The following SEMA5B variants were observed in gnomAD, a reference collection of about 807,000 sequenced individuals.
The protein encoded by SEMA5B is semaphorin 5B, also known as semaphorin-5B.
A neutral mutation model predicts 135.0 loss-of-function variants in SEMA5B; 66 were observed. The observed-to-expected ratio is 0.49, with a 90% CI of 0.40 to 0.60. The LOEUF (loss-of-function observed/expected upper bound fraction) is 0.60, where lower values mean the gene tolerates loss of function less well. Among genes scored for constraint, SEMA5B ranks in the 20% least tolerant of loss-of-function variants. The pLI, the probability that SEMA5B is intolerant of heterozygous loss-of-function variation, is 0.00. For synonymous variants in SEMA5B, 690 were observed against 639.5 expected, an observed-to-expected ratio of 1.08 and a Z score of -1.19; for missense variants, 1,501 against 1,566.3, an observed-to-expected ratio of 0.96 and a Z score of 0.70.
chr3:122,918,502 C>G (rs2107627105), intron 12 of SEMA5B, among the ~76,000 whole-genome samples: 1 of 152,320 alleles, frequency 6.6e-6, no homozygotes, highest in Non-Finnish European at 1.5e-5. Flanking sequence ...GTGCCAGGGG[C>G]CACTTTTGTC....
chr3:122,912,163 G>T lies in SEMA5B; in HGVS notation c.2896+9C>A. The stretch of plus-strand genomic sequence containing the variant: ...TCGCTTCCCAGCCCTGGCGGGATGT[G>T]CCTCATACCTGGGCAGGCCTGTGTG... On this transcript the variant is annotated intron_variant, in intron 19 of 22. Transcript: ENST00000357599. 1.3e-6 allele frequency: 2 copies of T among 1,581,922 alleles called. No individual in the cohort carries two copies. Among genetic ancestry groups the T allele is most frequent in the Non-Finnish European group, 1.7e-6 (2 of 1,158,698 alleles).
At chr3:122,945,794 A>G (rs1939763991) in intron 3 of SEMA5B, among the ~76,000 whole-genome samples, 1 of 138,540 alleles carries the variant, frequency 7.2e-6, no homozygotes, top group Non-Finnish European at 1.5e-5. Context: ...GGGGAAAAGA[A>G]GAGGAAACAG....
chr3:123,015,190 A>T (rs907522926), intron 1 of SEMA5B, among the ~76,000 whole-genome samples: 4 of 152,226 alleles, frequency 2.6e-5, no homozygotes, highest in Non-Finnish European at 5.9e-5. Flanking sequence ...ACTGGAAGAC[A>T]ATAAGTTTCT....
chr3:122,939,380 G>A lies in SEMA5B; in HGVS notation c.474+45C>T, dbSNP rs771570727. 118 of 1,511,116 alleles carry A rather than the reference G, an allele frequency of 7.8e-5. No individual in the cohort carries two copies. The Middle Eastern group carries it at 1.9e-3, about 24-fold the overall frequency. 93.6% of individuals were successfully genotyped at this position (1,511,116 alleles called of 1,614,324 possible). On this transcript the variant is annotated intron_variant, in intron 5 of 22. Coordinates refer to ENST00000357599, the MANE Select transcript of SEMA5B (RefSeq NM_001031702.4). ...TTGCGTTGCCCTGCCTTGGGCTCTGGAATAGGGGAAATTATAGGAAGGGAA... is the reference window on the plus strand; with the variant it reads ...TTGCGTTGCCCTGCCTTGGGCTCTGAAATAGGGGAAATTATAGGAAGGGAA...
At chr3:122,998,939 C>T (rs1348865477) in intron 1 of SEMA5B, among the ~76,000 whole-genome samples, 1 of 152,216 alleles carries the variant, frequency 6.6e-6, no homozygotes, top group Non-Finnish European at 1.5e-5. Flanking sequence ...GGGAAGACAA[C>T]TTCAGCAAGT....
At chr3:122,945,117 A>G (rs1167180357) in intron 3 of SEMA5B, among the ~76,000 whole-genome samples, 9 of 152,194 alleles carry the variant, frequency 5.9e-5, no homozygotes, top group Non-Finnish European at 1.3e-4. Context: ...ACAGGCAAAC[A>G]TTTAATCGCT....
At chr3:123,023,474 C>T (rs1291237944) in intron 1 of SEMA5B, among the ~76,000 whole-genome samples, 1 of 152,156 alleles carries the variant, frequency 6.6e-6, no homozygotes, top group Non-Finnish European at 1.5e-5. Context: ...ACTTGTGCAT[C>T]CCCAGAGCTC....
chr3:122,961,024 TG>T, intron 2 of SEMA5B, 115 bp downstream of exon 2: 1 of 1,069,354 alleles, frequency 9.4e-7, no homozygotes, highest in Non-Finnish European at 1.3e-6. Flanking sequence ...TCAAATACAG[TG>T]GACTGAGGTC....
intron 1 of SEMA5B, among the ~76,000 whole-genome samples, chr3:122,966,609 C>T (rs1034224282): frequency 1.3e-5 from 2 of 150,042 alleles, no homozygotes; most frequent in Non-Finnish European, 3.0e-5. Flanking sequence ...GGCTGGAGTG[C>T]AGTGGCGTGA....
chr3:122,993,422 C>T (rs1171693153), intron 1 of SEMA5B: 2 of 152,256 alleles, frequency 1.3e-5, no homozygotes, highest in Non-Finnish European at 2.9e-5. Flanking sequence ...ATGATTTATC[C>T]TCGTGGGGTG....
Position 122,922,029 on chromosome 3 carries a change from C to T in SEMA5B, c.1574G>A (p.Arg525His). The T allele has an allele frequency of 6.7e-7, 1 of 1,503,414 alleles. No homozygotes were observed. The highest frequency in any genetic ancestry group is 1.3e-5 in the South Asian group (1 of 76,304). 93.1% of individuals were successfully genotyped at this position (1,503,414 alleles called of 1,614,324 possible). A position where few individuals can be genotyped will look rare whatever the true frequency, so the allele number is the denominator to read the frequency against. ...EELHVLPPGRREPLRSLRILH... is the reference protein window; with the variant it reads ...EELHVLPPGRHEPLRSLRILH... ...GATGCGCAGGCTGCGCAGGGGCTCG[C>T]GGCGCCCGGGGGGCAGCACGTGCAG... Residue 525 changes from arginine to histidine, a missense_variant, in exon 12 of 23, where the codon CGC (arginine) becomes CAC (histidine). Physicochemically the swap from Arg to His is conservative, Grantham distance 29. Transcript: ENST00000357599.
intron 1 of SEMA5B, among the ~76,000 whole-genome samples, chr3:123,001,086 G>A (rs945809042): frequency 3.0e-4 from 46 of 152,136 alleles, no homozygotes; most frequent in African/African-American, 1.1e-3. Flanking sequence ...CAAAGTACTG[G>A]GCCCCAGCAA....
intron 1 of SEMA5B, among the ~76,000 whole-genome samples, chr3:123,013,817 C>T (rs562157713): frequency 6.6e-6 from 1 of 152,346 alleles, no homozygotes; most frequent in South Asian, 2.1e-4. Context: ...GAGGGAAAGG[C>T]TTCAGGGAAG....
intron 4 of SEMA5B, among the ~76,000 whole-genome samples, chr3:122,942,048 T>C (rs1576352784): frequency 6.6e-6 from 1 of 152,322 alleles, no homozygotes; most frequent in African/African-American, 2.4e-5. Context: ...GGGGTCCTGC[T>C]TGTTTGAGGG....
chr3:122,987,577 C>A (rs1229875192), intron 1 of SEMA5B, among the ~76,000 whole-genome samples: 1 of 152,238 alleles, frequency 6.6e-6, no homozygotes, highest in Non-Finnish European at 1.5e-5. Flanking sequence ...ATGAAAATCA[C>A]TGAGGCACCA....
chr3:122,999,319 C>G (rs186403783), intron 1 of SEMA5B, among the ~76,000 whole-genome samples: 1 of 152,062 alleles, frequency 6.6e-6, no homozygotes. Context: ...ATCTGCCTCC[C>G]GGGTTCAAGC....
intron 1 of SEMA5B, among the ~76,000 whole-genome samples, chr3:122,965,258 C>A (rs1940768519): frequency 6.6e-6 from 1 of 152,178 alleles, no homozygotes; most frequent in African/African-American, 2.4e-5. Flanking sequence ...AATTCATTCC[C>A]CCATTGTCTT....
intron 1 of SEMA5B, among the ~76,000 whole-genome samples, chr3:123,013,241 A>T (rs530042195): frequency 6.6e-6 from 1 of 152,256 alleles, no homozygotes; most frequent in East Asian, 1.9e-4. Context: ...TGCTGTGAGG[A>T]ATTTCATGAG....
At position 122,912,920 on chromosome 3, in the gene SEMA5B, G is replaced by A. The variant is rs199535053; in HGVS notation, c.2648C>T (p.Pro883Leu). 1.4e-5 allele frequency: 23 copies of A among 1,612,298 alleles called. No individual in the cohort carries two copies. Among genetic ancestry groups the A allele is most frequent in the Non-Finnish European group, 1.6e-5 (19 of 1,179,276 alleles). Residue 883 changes from proline to leucine, a missense_variant, in exon 18 of 23, where the codon CCG (proline) becomes CTG (leucine). By Grantham distance (98) the Pro-to-Leu change is moderately conservative (BLOSUM62 -3). This residue lies in a region of SEMA5B where 927 missense variants were observed against 881.6 expected (regional missense o/e 1.05). Coordinates refer to ENST00000357599, the MANE Select transcript of SEMA5B (RefSeq NM_001031702.4). ...GGGCAGGCCCCCGTTGCGGGGCTCCGGGTTAGTGCACGTTCTCTTGCGGAC... is the reference window on the plus strand; with the variant it reads ...GGGCAGGCCCCCGTTGCGGGGCTCCAGGTTAGTGCACGTTCTCTTGCGGAC... ...FRVRKRTCTNPEPRNGGLPCV... is the reference protein window; with the variant it reads ...FRVRKRTCTNLEPRNGGLPCV...
Sources: gnomAD v4.1 joint callset for allele counts (sites outside exome capture counted in the v4.1 genomes callset) on GRCh38, gnomAD v4.1.1 for gene constraint, gnomAD v4.1.1 regional missense constraint, MANE v1.5 for transcripts, NCBI Gene and HGNC (gene_info 2026-07-23, HGNC 2026-07-21) for gene names.